The following KHDRBS3 variants were observed in gnomAD, a reference collection of about 807,000 sequenced individuals.
KHDRBS3 encodes KH RNA binding domain containing, signal transduction associated 3.
In KHDRBS3, 23 loss-of-function variants were observed where a neutral mutation model predicts 45.6. The observed-to-expected ratio is 0.50, with a 90% confidence interval of 0.36 to 0.72. The LOEUF is 0.72. Among genes scored for constraint, KHDRBS3 ranks in the 30% least tolerant of loss-of-function variants. KHDRBS3 has a pLI of 0.00. For missense variants in KHDRBS3, 352 were observed against 424.8 expected (o/e 0.83, Z 1.51); for synonymous variants, 162 against 156.5 (o/e 1.04, Z -0.26).
At position 135,620,372 on chromosome 8, in the gene KHDRBS3, G is replaced by A. The variant is rs565915116; in HGVS notation, c.890+13335G>A. The stretch of plus-strand genomic sequence containing the variant: ...CCGCCTCAGCCTCCCAAAGTGCTGG[G>A]ATTACAGGTGTGAGCTACCACACCC... On this transcript the variant is annotated intron_variant, in intron 7 of 8. Coordinates refer to ENST00000355849, the MANE Select transcript of KHDRBS3 (RefSeq NM_006558.3). 2.4e-4 allele frequency among the ~76,000 whole-genome samples: 37 copies of A among 152,188 alleles called. 1 individual carries two copies. Among genetic ancestry groups the A allele is most frequent in the Admixed American group, 2.4e-3 (37 of 15,280 alleles).
intron 5 of KHDRBS3, among the ~76,000 whole-genome samples, chr8:135,571,733 G>A (rs1248382156): frequency 6.6e-6 from 1 of 152,024 alleles, no homozygotes; most frequent in Non-Finnish European, 1.5e-5. Context: ...TTCGAGGCTG[G>A]GGATTAGAGT....
intron 1 of KHDRBS3, among the ~76,000 whole-genome samples, chr8:135,467,963 C>G (rs902406086): frequency 1.3e-5 from 2 of 152,196 alleles, no homozygotes; most frequent in African/African-American, 2.4e-5. Context: ...GTCATTCCAT[C>G]TACATTTATT....
chr8:135,646,639 A>G (rs1831299559), intron 8 of KHDRBS3, among the ~76,000 whole-genome samples: 1 of 151,654 alleles, frequency 6.6e-6, no homozygotes, highest in African/African-American at 2.4e-5. Flanking sequence ...TCTCTTTTTC[A>G]CTCATAAATG....
intron 7 of KHDRBS3, among the ~76,000 whole-genome samples, chr8:135,615,039 C>A (rs983773712): frequency 2.0e-5 from 3 of 151,706 alleles, no homozygotes; most frequent in Non-Finnish European, 2.9e-5. Flanking sequence ...AGAGGCAGGC[C>A]AGAATGGTCA....
At position 135,462,824 on chromosome 8, in the gene KHDRBS3, G is replaced by T. The variant is rs1448836204; in HGVS notation, c.88+4870G>T. ...ATTGTTCTTTTTACCATGTCCTACTGACTCTCAGTAACACTGAGAGTCTAA... is the reference window on the plus strand; with the variant it reads ...ATTGTTCTTTTTACCATGTCCTACTTACTCTCAGTAACACTGAGAGTCTAA... On this transcript the variant is annotated intron_variant, in intron 1 of 8. Coordinates refer to ENST00000355849, the MANE Select transcript of KHDRBS3 (RefSeq NM_006558.3). Among the ~76,000 whole-genome samples, 3 of 152,220 alleles carry T rather than the reference G, an allele frequency of 2.0e-5. No individual in the cohort carries two copies. The East Asian group carries it at 5.8e-4, about 29-fold the overall frequency.
chr8:135,497,694 A>T (rs376554125), intron 1 of KHDRBS3, among the ~76,000 whole-genome samples: 8 of 152,216 alleles, frequency 5.3e-5, no homozygotes, highest in African/African-American at 1.9e-4. Context: ...TCTTCCATAT[A>T]TCAAGCACTG....
chr8:135,471,219 T>C (rs1198196019), intron 1 of KHDRBS3, among the ~76,000 whole-genome samples: 2 of 152,188 alleles, frequency 1.3e-5, no homozygotes, highest in African/African-American at 2.4e-5. Flanking sequence ...TGGCAGAAAG[T>C]AGTCTTTTAG....
intron 7 of KHDRBS3, among the ~76,000 whole-genome samples, chr8:135,639,499 T>G (rs1224055979): frequency 1.3e-5 from 2 of 152,138 alleles, no homozygotes; most frequent in Non-Finnish European, 2.9e-5. Context: ...GAGTGAAGCA[T>G]GATGGTCTGG....
intron 3 of KHDRBS3, among the ~76,000 whole-genome samples, chr8:135,547,520 A>G (rs1319328301): frequency 6.6e-6 from 1 of 152,206 alleles, no homozygotes; most frequent in Non-Finnish European, 1.5e-5. Flanking sequence ...AGATGAAATT[A>G]TAGGTGACTA....
At chr8:135,582,230 T>C (rs543981032) in intron 6 of KHDRBS3, among the ~76,000 whole-genome samples, 157 bp downstream of exon 6, 1 of 152,376 alleles carries the variant, frequency 6.6e-6, no homozygotes, top group East Asian at 1.9e-4. Flanking sequence ...AAAGAAGTAC[T>C]TAATACTAGA....
intron 1 of KHDRBS3, among the ~76,000 whole-genome samples, chr8:135,506,525 G>A (rs368932812): frequency 3.3e-5 from 5 of 150,504 alleles, no homozygotes; most frequent in African/African-American, 1.2e-4. Flanking sequence ...TGCCTCAGCC[G>A]CCCAAGTAGG....
intron 6 of KHDRBS3, among the ~76,000 whole-genome samples, chr8:135,591,390 A>G (rs1828737139): frequency 6.6e-6 from 1 of 152,224 alleles, no homozygotes; most frequent in Admixed American, 6.5e-5. Context: ...TAGGACAGCT[A>G]CCTTTGGTTA....
Position 135,647,118 on chromosome 8 carries a change from C to T in KHDRBS3, c.*34C>T, listed in dbSNP as rs1283816221. On this transcript the variant is annotated 3_prime_UTR_variant, in exon 9 of 9. Coordinates refer to ENST00000355849, the MANE Select transcript of KHDRBS3 (RefSeq NM_006558.3). ...TCTGATGTTGTGAAATAGCCAATCTCCACCAGTCCTGTATACTGTTCAAAG... is the reference window on the plus strand; with the variant it reads ...TCTGATGTTGTGAAATAGCCAATCTTCACCAGTCCTGTATACTGTTCAAAG... 3 of 1,130,562 alleles carry T rather than the reference C, an allele frequency of 2.7e-6. No homozygotes were observed. Among genetic ancestry groups the T allele is most frequent in the Admixed American group, 3.4e-5 (2 of 58,902 alleles). 70.0% of individuals were successfully genotyped at this position (1,130,562 alleles called of 1,614,324 possible).
chr8:135,625,657 G>A, intron 7 of KHDRBS3: 3 of 833,012 alleles, frequency 3.6e-6, no homozygotes, highest in Middle Eastern at 2.5e-4. Context: ...TTGAAACACT[G>A]AACGAATTCA....
intron 2 of KHDRBS3, among the ~76,000 whole-genome samples, chr8:135,536,999 G>GAAAAAAAAAAAAAA (rs1375807666): frequency 1.0e-4 from 3 of 29,416 alleles, no homozygotes; most frequent in African/African-American, 3.1e-4. Context: ...AAAAAAAAAG[G>GAAAAAAAAAAAAAA]AGATGTTTAG....
rs887443355 is a variant in KHDRBS3 at position 135,641,227 on chromosome 8, A to G, written c.891-3832A>G. The stretch of plus-strand genomic sequence containing the variant: ...GCACCTCACAGTAAATTTCCAGTCT[A>G]TGCTCATGTTCATCACTGCTCCCTT... On this transcript the variant is annotated intron_variant, in intron 7 of 8. Coordinates refer to ENST00000355849, the MANE Select transcript of KHDRBS3 (RefSeq NM_006558.3). Among the ~76,000 whole-genome samples the G allele has an allele frequency of 5.3e-5, 8 of 152,302 alleles. No homozygotes were observed. The East Asian group carries it at 5.8e-4, about 11-fold the overall frequency.
At chr8:135,606,046 T>C (rs1829447839) in intron 6 of KHDRBS3, among the ~76,000 whole-genome samples, 1 of 152,170 alleles carries the variant, frequency 6.6e-6, no homozygotes, top group African/African-American at 2.4e-5. Context: ...TCTTGTGCAT[T>C]GCTATTGAAG....
chr8:135,482,213 T>A (rs138910790), intron 1 of KHDRBS3, among the ~76,000 whole-genome samples: 1 of 152,226 alleles, frequency 6.6e-6, no homozygotes, highest in African/African-American at 2.4e-5. Flanking sequence ...GACATTACAT[T>A]AATGTATAAC....
At chr8:135,605,986 G>T (rs1048014323) in intron 6 of KHDRBS3, among the ~76,000 whole-genome samples, 1 of 151,958 alleles carries the variant, frequency 6.6e-6, no homozygotes, top group Non-Finnish European at 1.5e-5. Context: ...ATGGTTTCTT[G>T]TTTTTGTTGT....
Sources: gnomAD v4.1 joint callset for allele counts (sites outside exome capture counted in the v4.1 genomes callset) on GRCh38, gnomAD v4.1.1 for gene constraint, MANE v1.5 for transcripts, NCBI Gene and HGNC (gene_info 2026-07-23, HGNC 2026-07-21) for gene names.